The following BMPR2 variants were observed in gnomAD, a reference collection of about 807,000 sequenced individuals.
The protein encoded by BMPR2 is bone morphogenetic protein receptor type-2.
Under a neutral mutation model 100.8 loss-of-function variants are expected in BMPR2, and 29 were observed. The observed-to-expected ratio is 0.29, with a 90% CI of 0.21 to 0.39. BMPR2 has a LOEUF of 0.39. Among genes scored for constraint, BMPR2 ranks in the 10% least tolerant of loss-of-function variants. The pLI, the probability that BMPR2 is intolerant of heterozygous loss-of-function variation, is 1.00. For synonymous variants in BMPR2, 382 were observed against 442.3 expected, an observed-to-expected ratio of 0.86 and a Z score of 1.71; for missense variants, 1,011 against 1,274.5, an observed-to-expected ratio of 0.79 and a Z score of 3.15.
chr2:202,458,572 G>T (rs1286017153), intron 1 of BMPR2, among the ~76,000 whole-genome samples: 1 of 151,968 alleles, frequency 6.6e-6, no homozygotes, highest in Non-Finnish European at 1.5e-5. Flanking sequence ...CTGTCAAATT[G>T]TCCTCTTTAT....
chr2:202,442,882 G>T (rs1326637646), intron 1 of BMPR2, among the ~76,000 whole-genome samples: 1 of 150,580 alleles, frequency 6.6e-6, no homozygotes, highest in Non-Finnish European at 1.5e-5. Flanking sequence ...CTTGCCTATT[G>T]TGAATAATAA....
At chr2:202,381,041 C>G (rs1162726118) in intron 1 of BMPR2, among the ~76,000 whole-genome samples, 3 of 134,412 alleles carry the variant, frequency 2.2e-5, no homozygotes, top group Non-Finnish European at 4.6e-5. Context: ...GTGGCGCCAT[C>G]TCAGCTCACT....
intron 4 of BMPR2, 92 bp from the exon 5 acceptor site, chr2:202,514,796 C>T (rs1687683570): frequency 2.0e-6 from 2 of 1,024,976 alleles, no homozygotes; most frequent in Non-Finnish European, 3.0e-6. Flanking sequence ...CTTTCTGCAG[C>T]TCTTCTTTTT....
intron 2 of BMPR2, 73 bp from the exon 3 acceptor site, chr2:202,467,446 G>T (rs576336346): frequency 5.4e-6 from 7 of 1,289,016 alleles, no homozygotes; most frequent in Non-Finnish European, 7.8e-6. Context: ...TGAAATTACT[G>T]CTTAGTTTGT....
intron 7 of BMPR2, among the ~76,000 whole-genome samples, chr2:202,527,356 C>T (rs1251290134): frequency 1.3e-5 from 2 of 151,806 alleles, no homozygotes; most frequent in African/African-American, 4.8e-5. Context: ...GGCGTGGTGG[C>T]GTGCGCCTGT....
chr2:202,413,080 A>C (rs1011629248), intron 1 of BMPR2, among the ~76,000 whole-genome samples: 4 of 152,210 alleles, frequency 2.6e-5, no homozygotes, highest in African/African-American at 9.6e-5. Context: ...TGAAAAATGT[A>C]AGTCACCTGA....
chr2:202,414,325 G>A (rs1397923594), intron 1 of BMPR2, among the ~76,000 whole-genome samples: 2 of 152,216 alleles, frequency 1.3e-5, no homozygotes, highest in Non-Finnish European at 2.9e-5. Flanking sequence ...TCTATCAGCT[G>A]TTGTTCCCCT....
chr2:202,474,499 A>T (rs1165393105), intron 3 of BMPR2, among the ~76,000 whole-genome samples: 2 of 152,040 alleles, frequency 1.3e-5, no homozygotes, highest in African/African-American at 2.4e-5. Context: ...AAAAGTGGGT[A>T]GTGTGGGAAG....
intron 6 of BMPR2, among the ~76,000 whole-genome samples, chr2:202,519,880 T>C (rs1687789748): frequency 6.6e-6 from 1 of 152,176 alleles, no homozygotes; most frequent in Admixed American, 6.5e-5. Flanking sequence ...TTATAATGTT[T>C]AAATTCCCCT....
At chr2:202,392,522 G>A (rs900135314) in intron 1 of BMPR2, among the ~76,000 whole-genome samples, 11 of 152,208 alleles carry the variant, frequency 7.2e-5, no homozygotes, top group Admixed American at 5.9e-4. Flanking sequence ...ATACTTCTGC[G>A]GACATGTCAC....
intron 7 of BMPR2, 81 bp from the exon 8 acceptor site, chr2:202,530,713 T>C: frequency 7.9e-7 from 1 of 1,264,150 alleles, no homozygotes; most frequent in Non-Finnish European, 1.1e-6. Context: ...AAAATAATAC[T>C]ACTTCTATAT....
At chr2:202,456,359 T>C (rs933233940) in intron 1 of BMPR2, among the ~76,000 whole-genome samples, 2 of 151,050 alleles carry the variant, frequency 1.3e-5, no homozygotes, top group African/African-American at 2.4e-5. Context: ...TTTGTACTTT[T>C]AGTAGCGATG....
At chr2:202,535,388 GCTC>G (rs1176811400) in intron 9 of BMPR2, among the ~76,000 whole-genome samples, 1 of 150,272 alleles carries the variant, frequency 6.7e-6, no homozygotes, top group Non-Finnish European at 1.5e-5. Flanking sequence ...GGGCAGAGAC[GCTC>G]CTCACCTCCC....
chr2:202,527,019 A>T (rs1007508822), intron 7 of BMPR2, among the ~76,000 whole-genome samples: 6 of 151,948 alleles, frequency 3.9e-5, no homozygotes, highest in African/African-American at 1.5e-4. Flanking sequence ...GTCCACCACC[A>T]TGCTGGGCTA....
chr2:202,488,357 A>T (rs1692823945), intron 3 of BMPR2, among the ~76,000 whole-genome samples: 1 of 152,178 alleles, frequency 6.6e-6, no homozygotes, highest in Non-Finnish European at 1.5e-5. Context: ...GTTTATATGT[A>T]TATTCTTAAT....
chr2:202,524,656 T>C (rs931211793), intron 7 of BMPR2, among the ~76,000 whole-genome samples: 8 of 151,388 alleles, frequency 5.3e-5, no homozygotes, highest in Non-Finnish European at 1.0e-4. Context: ...GGTGAGAAGA[T>C]TGTTTGAGCC....
At chr2:202,379,838 T>TTTTC (rs3044179) in intron 1 of BMPR2, among the ~76,000 whole-genome samples, 3,770 of 150,430 alleles carry the variant, frequency 0.025, 72 homozygotes, top group South Asian at 0.049. Context: ...TCTTAGAACA[T>TTTTC]TTTCTTTCTT....
intron 3 of BMPR2, among the ~76,000 whole-genome samples, chr2:202,493,036 T>A (rs1435574991): frequency 6.6e-6 from 1 of 152,176 alleles, no homozygotes; most frequent in Non-Finnish European, 1.5e-5. Context: ...AGTTCTTGAG[T>A]ATGGATTCTG....
intron 12 of BMPR2, among the ~76,000 whole-genome samples, chr2:202,557,798 T>G (rs1203648260): frequency 6.6e-6 from 1 of 152,222 alleles, no homozygotes; most frequent in Non-Finnish European, 1.5e-5. Context: ...TTACCCAATT[T>G]AATATGTGCT....
Sources: gnomAD v4.1 joint callset for allele counts (sites outside exome capture counted in the v4.1 genomes callset) on GRCh38, gnomAD v4.1.1 for gene constraint, MANE v1.5 for transcripts, NCBI Gene and HGNC (gene_info 2026-07-23, HGNC 2026-07-21) for gene names.